The following CRYZL1 variants were observed in gnomAD, a reference collection of about 807,000 sequenced individuals.
The protein encoded by CRYZL1 is crystallin zeta like 1, also known as ferry endosomal RAB5 effector complex subunit 4.
In CRYZL1, 34 loss-of-function variants were observed where a neutral mutation model predicts 50.6. That is an observed-to-expected ratio of 0.67 (90% CI 0.51 to 0.89). The LOEUF (loss-of-function observed/expected upper bound fraction) is 0.89. Ranked by LOEUF, CRYZL1 falls within the 40% of genes least tolerant of loss-of-function variation. The pLI, the probability that CRYZL1 is intolerant of heterozygous loss-of-function variation, is 0.00. For missense variants in CRYZL1, 354 were observed against 402.3 expected (o/e 0.88, Z 1.03); for synonymous variants, 125 against 134.3 (o/e 0.93, Z 0.48).
intron 1 of CRYZL1, chr21:33,641,433 G>A (rs1202686982): frequency 6.7e-6 from 8 of 1,201,666 alleles, no homozygotes; most frequent in East Asian, 2.6e-5. Flanking sequence ...AAAAGTAGAG[G>A]GAGATGCAAA....
At chr21:33,638,403 T>C (rs929485886) in intron 1 of CRYZL1, among the ~76,000 whole-genome samples, 2 of 152,076 alleles carry the variant, frequency 1.3e-5, no homozygotes, top group South Asian at 2.1e-4. Context: ...TTAGTAGAGA[T>C]GGGGTTTCAC....
Position 33,615,133 on chromosome 21 carries a change from TTTTC to T in CRYZL1, c.263-1531_263-1528del, listed in dbSNP as rs939574839. On this transcript the variant is annotated intron_variant, in intron 5 of 12. Transcript: ENST00000381554. ...TTTTAACGCTATAAGGCTAAATATT[TTTTC>T]TTTCTTTTCTTTCTCTCTTTTTTTT... Among the ~76,000 whole-genome samples the T allele has an allele frequency of 7.6e-5, 11 of 145,344 alleles. No homozygotes were observed. In the East Asian group the frequency reaches 1.7e-3, roughly 22 times the overall value.
chr21:33,636,042 T>G (rs1414703234), intron 1 of CRYZL1, among the ~76,000 whole-genome samples: 1 of 152,026 alleles, frequency 6.6e-6, no homozygotes, highest in Admixed American at 6.6e-5. Flanking sequence ...CTAAGAAAAG[T>G]CATGTAACTT....
chr21:33,590,578 C>T lies in CRYZL1; in HGVS notation c.950+584G>A, dbSNP rs117676077. Among the ~76,000 whole-genome samples the T allele has an allele frequency of 2.2e-3, 340 of 151,818 alleles. 13 individuals carry two copies. The East Asian group carries it at 0.061, about 27-fold the overall frequency. On this transcript the variant is annotated intron_variant, in intron 12 of 12. Coordinates refer to ENST00000381554, the MANE Select transcript of CRYZL1 (RefSeq NM_145858.3). ...TATGGGCGTTCGCCACCACGCTCAGCGAATTTTTCTATTTTTTAGTAGAGA... is the reference window on the plus strand; with the variant it reads ...TATGGGCGTTCGCCACCACGCTCAGTGAATTTTTCTATTTTTTAGTAGAGA...
chr21:33,611,020 C>T (rs2086867715), intron 6 of CRYZL1, among the ~76,000 whole-genome samples: 1 of 152,102 alleles, frequency 6.6e-6, no homozygotes, highest in Admixed American at 6.6e-5. Context: ...CATGAGCCAC[C>T]GCGCCCAGCC....
chr21:33,619,082 T>C (rs2086967166), intron 4 of CRYZL1, among the ~76,000 whole-genome samples: 1 of 152,198 alleles, frequency 6.6e-6, no homozygotes, highest in South Asian at 2.1e-4. Flanking sequence ...ACTCAGTAAG[T>C]ATAAATCTAA....
At chr21:33,619,469 T>C (rs1569089543) in intron 4 of CRYZL1, among the ~76,000 whole-genome samples, 1 of 152,264 alleles carries the variant, frequency 6.6e-6, no homozygotes, top group Non-Finnish European at 1.5e-5. Context: ...TCCTGCTTCA[T>C]TTTAGGAAGG....
chr21:33,628,790 G>T (rs1389744163), intron 2 of CRYZL1, among the ~76,000 whole-genome samples: 4 of 149,182 alleles, frequency 2.7e-5, no homozygotes, highest in African/African-American at 4.9e-5. Context: ...TTTTTTTTTT[G>T]TAGAGACAGG....
intron 12 of CRYZL1, among the ~76,000 whole-genome samples, chr21:33,590,787 C>T (rs1049597248): frequency 2.0e-5 from 3 of 152,182 alleles, no homozygotes; most frequent in Non-Finnish European, 2.9e-5. Context: ...CTCCTTCAAG[C>T]TATTGGTTAC....
chr21:33,591,542 G>T, intron 11 of CRYZL1: 4 of 322,768 alleles, frequency 1.2e-5, no homozygotes, highest in South Asian at 5.8e-5. Context: ...ACTACATATG[G>T]CATTTTTAGT....
At chr21:33,601,022 C>T (rs2086750986) in intron 8 of CRYZL1, among the ~76,000 whole-genome samples, 1 of 142,642 alleles carries the variant, frequency 7.0e-6, no homozygotes, top group Non-Finnish European at 1.5e-5. Flanking sequence ...CTGCAACCTC[C>T]ACCTCCCAGG....
chr21:33,637,304 G>C (rs2087218894), intron 1 of CRYZL1, among the ~76,000 whole-genome samples: 1 of 151,898 alleles, frequency 6.6e-6, no homozygotes, highest in Non-Finnish European at 1.5e-5. Flanking sequence ...AATTAGCCGG[G>C]CGTGGTGGCG....
At chr21:33,637,873 G>T (rs1233597390) in intron 1 of CRYZL1, among the ~76,000 whole-genome samples, 1 of 151,018 alleles carries the variant, frequency 6.6e-6, no homozygotes, top group Non-Finnish European at 1.5e-5. Context: ...GCTCAACCTG[G>T]TCACCATGCC....
intron 12 of CRYZL1, among the ~76,000 whole-genome samples, chr21:33,590,308 C>T (rs1365299139): frequency 6.6e-6 from 1 of 152,106 alleles, no homozygotes; most frequent in Non-Finnish European, 1.5e-5. Flanking sequence ...TGAGCCACTG[C>T]ACCCGGCCTC....
intron 5 of CRYZL1, among the ~76,000 whole-genome samples, chr21:33,615,154 C>CT (rs10550201): frequency 1.4e-3 from 168 of 123,620 alleles, no homozygotes; most frequent in Middle Eastern, 0.012. Context: ...TTCTTTCTCT[C>CT]TTTTTTTTTT....
chr21:33,619,447 C>G (rs2086970049), intron 4 of CRYZL1, among the ~76,000 whole-genome samples: 1 of 152,224 alleles, frequency 6.6e-6, no homozygotes, highest in Non-Finnish European at 1.5e-5. Context: ...AAGGTCTGGC[C>G]CTTGCCTATC....
chr21:33,639,411 AC>A (rs1427057022), intron 1 of CRYZL1, among the ~76,000 whole-genome samples: 1 of 152,222 alleles, frequency 6.6e-6, no homozygotes, highest in Non-Finnish European at 1.5e-5. Flanking sequence ...ATATTGTACT[AC>A]TGGGGAACAA....
At chr21:33,591,322 A>G in intron 11 of CRYZL1, 115 bp from the exon 12 acceptor site, 1 of 786,264 alleles carries the variant, frequency 1.3e-6, no homozygotes, top group Non-Finnish European at 2.2e-6. Flanking sequence ...GCACTCTCAG[A>G]GACTCAACAT....
intron 2 of CRYZL1, 129 bp downstream of exon 2, chr21:33,631,357 T>C: frequency 1.8e-6 from 1 of 546,990 alleles, no homozygotes; most frequent in East Asian, 3.9e-5. Context: ...AGGAAAGTAC[T>C]GTAATTTGAG....
Sources: allele counts gnomAD v4.1 joint callset (sites outside exome capture counted in the v4.1 genomes callset), GRCh38; gene constraint gnomAD v4.1.1; transcripts MANE v1.5; gene names NCBI Gene and HGNC (gene_info 2026-07-23, HGNC 2026-07-21).